Variants in COL21A1 observed in about 807,000 individuals in gnomAD.
COL21A1 encodes collagen type XXI alpha 1 chain, also known as collagen alpha-1(XXI) chain.
A neutral mutation model predicts 137.9 loss-of-function variants in COL21A1; 149 were observed. The observed-to-expected ratio is 1.08, with a 90% CI of 0.95 to 1.24. COL21A1 has a LOEUF of 1.24. Ranked by LOEUF, COL21A1 falls within the 50% of genes most tolerant of loss-of-function variation. The pLI is 0.00. For missense variants in COL21A1, 1,167 were observed against 1,158.4 expected (o/e 1.01, Z -0.11); for synonymous variants, 456 against 391.5 (o/e 1.16, Z -1.95).
chr6:56,169,614 T>C (rs1776868573), intron 5 of COL21A1, among the ~76,000 whole-genome samples: 1 of 152,032 alleles, frequency 6.6e-6, no homozygotes, highest in South Asian at 2.1e-4. Context: ...ACACACCTGA[T>C]GACTCAATAC....
intron 1 of COL21A1, among the ~76,000 whole-genome samples, chr6:56,316,916 A>T (rs4278021): frequency 6.6e-6 from 1 of 151,984 alleles, no homozygotes; most frequent in Non-Finnish European, 1.5e-5. Flanking sequence ...CAGTCTAGTC[A>T]CTGGGGCATA....
chr6:56,099,881 C>G lies in COL21A1; in HGVS notation c.1812+1591G>C, dbSNP rs76354798. ...CTAGTCGAGGCCTTCTACTTCATGC[C>G]TGGTCTGTCAAAAGAGCCTGCTAAC... is the stretch of plus-strand genomic sequence containing the variant. On this transcript the variant is annotated intron_variant, in intron 17 of 29. Coordinates refer to ENST00000244728, the MANE Select transcript of COL21A1 (RefSeq NM_030820.4). Among the ~76,000 whole-genome samples the G allele has an allele frequency of 5.9e-3, 904 of 152,248 alleles. 6 individuals carry two copies. The highest frequency in any genetic ancestry group is 8.4e-3 in the Non-Finnish European group (574 of 68,000).
chr6:56,119,804 G>C (rs1772294979), intron 16 of COL21A1, among the ~76,000 whole-genome samples: 1 of 152,044 alleles, frequency 6.6e-6, no homozygotes, highest in Non-Finnish European at 1.5e-5. Context: ...ACATACACTA[G>C]GGAAAAGACA....
intron 1 of COL21A1, among the ~76,000 whole-genome samples, chr6:56,285,230 C>T (rs964645505): frequency 1.3e-5 from 2 of 152,178 alleles, no homozygotes; most frequent in African/African-American, 4.8e-5. Context: ...TATAACTGGG[C>T]ACGGAATAAG....
chr6:56,299,852 A>G (rs1764240982), intron 1 of COL21A1, among the ~76,000 whole-genome samples: 1 of 152,130 alleles, frequency 6.6e-6, no homozygotes, highest in Non-Finnish European at 1.5e-5. Context: ...AGGGAGTAGA[A>G]CTTGGATATT....
At chr6:56,262,021 CT>C (rs1448404628) in intron 1 of COL21A1, among the ~76,000 whole-genome samples, 1 of 152,210 alleles carries the variant, frequency 6.6e-6, no homozygotes, top group African/African-American at 2.4e-5. Context: ...GATAAGCTTA[CT>C]GTCTCTGCAA....
At chr6:56,098,413 A>AT in intron 17 of COL21A1, among the ~76,000 whole-genome samples, 2 of 12,438 alleles carry the variant, frequency 1.6e-4, no homozygotes, top group African/African-American at 1.2e-3. Flanking sequence ...AAATATATAT[A>AT]AATATATAAA....
At chr6:56,277,227 G>C (rs867959755) in intron 1 of COL21A1, among the ~76,000 whole-genome samples, 18 of 152,092 alleles carry the variant, frequency 1.2e-4, no homozygotes, top group African/African-American at 4.1e-4. Context: ...CATGTGCCAT[G>C]TTGGTGGGCT....
intron 17 of COL21A1, among the ~76,000 whole-genome samples, chr6:56,080,417 C>A (rs1272562249): frequency 4.6e-5 from 7 of 151,718 alleles, no homozygotes; most frequent in Non-Finnish European, 8.8e-5. Flanking sequence ...TCTCTGTAAC[C>A]ATTTAAACCA....
intron 1 of COL21A1, among the ~76,000 whole-genome samples, chr6:56,322,098 A>C (rs539639127): frequency 6.6e-6 from 1 of 152,232 alleles, no homozygotes; most frequent in African/African-American, 2.4e-5. Flanking sequence ...GCACCAAAAA[A>C]AGGTCATGGT....
intron 1 of COL21A1, among the ~76,000 whole-genome samples, chr6:56,337,961 CTTTTT>C (rs200998969): frequency 3.3e-5 from 3 of 90,854 alleles, no homozygotes; most frequent in Non-Finnish European, 5.8e-5. Context: ...CTTTTCTTTT[CTTTTT>C]TTTTTTTTTT....
chr6:56,231,722 T>C (rs995386576), intron 1 of COL21A1, among the ~76,000 whole-genome samples: 1 of 151,884 alleles, frequency 6.6e-6, no homozygotes, highest in African/African-American at 2.4e-5. Context: ...AGATCTAATA[T>C]GTTATGACTT....
intron 1 of COL21A1, among the ~76,000 whole-genome samples, chr6:56,386,481 T>A (rs1203838099): frequency 6.6e-6 from 1 of 152,198 alleles, no homozygotes; most frequent in Admixed American, 6.5e-5. Context: ...GGTCATGTAG[T>A]AGTTCTTTTT....
At position 56,260,571 on chromosome 6, in the gene COL21A1, C is replaced by CA. The variant is rs373250875; in HGVS notation, c.-38-77916dup. On this transcript the variant is annotated intron_variant, in intron 1 of 28. Transcript: ENST00000370819. ...CCTGGGTGACAGAACAAGACTCTAT[C>CA]AAAAAAAAAAAAGAAAGAAGAAGAA... is the stretch of plus-strand genomic sequence containing the variant. 9.2e-4 allele frequency among the ~76,000 whole-genome samples: 76 copies of CA among 82,574 alleles called. 4 individuals carry two copies. The highest frequency in any genetic ancestry group is 6.4e-3 in the East Asian group (25 of 3,900). The allele number at this position is 82,574 out of a possible 152,430, so 54.2% of individuals were successfully genotyped here. A position where few individuals can be genotyped will look rare whatever the true frequency, so the allele number is the denominator to read the frequency against.
intron 1 of COL21A1, among the ~76,000 whole-genome samples, chr6:56,335,879 C>G (rs573999575): frequency 6.6e-6 from 1 of 152,194 alleles, no homozygotes. Context: ...AATGCTGATA[C>G]AGTCTCCACT....
intron 20 of COL21A1, among the ~76,000 whole-genome samples, chr6:56,072,555 A>G (rs1272765069): frequency 6.6e-6 from 1 of 151,510 alleles, no homozygotes; most frequent in Non-Finnish European, 1.5e-5. Context: ...AGCAGAAAGA[A>G]ACGAATATAG....
chr6:56,169,691 A>G (rs1273840770), intron 5 of COL21A1, among the ~76,000 whole-genome samples: 2 of 151,970 alleles, frequency 1.3e-5, no homozygotes, highest in Non-Finnish European at 2.9e-5. Flanking sequence ...TTCAAGGTCC[A>G]GTTCAAAAAT....
intron 16 of COL21A1, among the ~76,000 whole-genome samples, chr6:56,114,999 AATG>A (rs1166563963): frequency 1.3e-5 from 2 of 151,830 alleles, no homozygotes; most frequent in Non-Finnish European, 2.9e-5. Context: ...AGCCATAAAA[AATG>A]ATGAGTTCAT....
At chr6:56,216,113 C>T (rs1197567943) in intron 1 of COL21A1, among the ~76,000 whole-genome samples, 1 of 151,922 alleles carries the variant, frequency 6.6e-6, no homozygotes, top group Admixed American at 6.6e-5. Context: ...TATGCTAATC[C>T]ACCTACACTT....
Sources: allele counts gnomAD v4.1 joint callset (sites outside exome capture counted in the v4.1 genomes callset), GRCh38; gene constraint gnomAD v4.1.1; transcripts MANE v1.5; gene names NCBI Gene and HGNC (gene_info 2026-07-23, HGNC 2026-07-21).